DOK6: variants seen among roughly 807,000 people sequenced by gnomAD.
DOK6 encodes the protein docking protein 6.
DOK6 carries 22 observed loss-of-function variants against 44.0 expected under a neutral mutation model. The observed-to-expected ratio is 0.50, with a 90% CI of 0.36 to 0.71. DOK6 has a LOEUF of 0.71. Ranked by LOEUF, DOK6 falls within the 30% of genes least tolerant of loss-of-function variation. DOK6 has a pLI of 0.00. For synonymous variants in DOK6, 166 were observed against 145.5 expected (o/e 1.14, Z -1.01); for missense variants, 340 against 416.4 (o/e 0.82, Z 1.60).
chr18:69,711,188 G>C (rs1986748311), intron 5 of DOK6, among the ~76,000 whole-genome samples: 1 of 152,186 alleles, frequency 6.6e-6, no homozygotes, highest in Non-Finnish European at 1.5e-5. Flanking sequence ...AATGCACAGA[G>C]ATCCTGAGTC....
At chr18:69,825,308 C>T (rs567771953) in intron 7 of DOK6, among the ~76,000 whole-genome samples, 1 of 151,954 alleles carries the variant, frequency 6.6e-6, no homozygotes, top group South Asian at 2.1e-4. Flanking sequence ...TTAAAATACT[C>T]TTATCTTCTA....
At chr18:69,747,603 C>CCCCCCTT (rs1386380730) in intron 6 of DOK6, among the ~76,000 whole-genome samples, 1 of 142,826 alleles carries the variant, frequency 7.0e-6, no homozygotes, top group South Asian at 2.4e-4. Flanking sequence ...GCCCCCTCCC[C>CCCCCCTT]CCCACAGAAG....
intron 7 of DOK6, among the ~76,000 whole-genome samples, chr18:69,818,386 T>G (rs1287259416): frequency 6.6e-6 from 1 of 152,070 alleles, no homozygotes; most frequent in Non-Finnish European, 1.5e-5. Context: ...GGAAGATAAA[T>G]ATTAAGAGGC....
chr18:69,401,595 C>T (rs1397165925), intron 1 of DOK6, among the ~76,000 whole-genome samples: 1 of 152,130 alleles, frequency 6.6e-6, no homozygotes, highest in Non-Finnish European at 1.5e-5. Context: ...GTTGTCAGTT[C>T]CAACGAGGAA....
intron 3 of DOK6, among the ~76,000 whole-genome samples, chr18:69,616,154 T>A (rs1984278741): frequency 6.6e-6 from 1 of 152,166 alleles, no homozygotes; most frequent in South Asian, 2.1e-4. Context: ...ATCCAGTACA[T>A]ATCCTGAGAG....
At position 69,674,485 on chromosome 18, in the gene DOK6, C is replaced by T. The variant is rs552640201; in HGVS notation, c.290-3249C>T. Among the ~76,000 whole-genome samples the T allele has an allele frequency of 3.0e-4, 45 of 152,204 alleles. 1 individual carries two copies. Among genetic ancestry groups the T allele is most frequent in the African/African-American group, 1.1e-3 (44 of 41,520 alleles). On this transcript the variant is annotated intron_variant, in intron 3 of 7. Coordinates refer to ENST00000382713, the MANE Select transcript of DOK6 (RefSeq NM_152721.6). ...CCCTGCAAATGTCTTTCCCTCTCCA[C>T]CCCAGGCATCTCCCTCACTCCTCCC...
intron 1 of DOK6, among the ~76,000 whole-genome samples, chr18:69,515,072 G>A (rs574455722): frequency 1.1e-4 from 17 of 152,186 alleles, no homozygotes; most frequent in Middle Eastern, 3.4e-3. Context: ...ACAGCTTTCC[G>A]TTTGTTTTAA....
intron 5 of DOK6, among the ~76,000 whole-genome samples, chr18:69,709,703 A>C (rs1423048832): frequency 6.6e-6 from 1 of 152,238 alleles, no homozygotes; most frequent in African/African-American, 2.4e-5. Flanking sequence ...TGGGTTATTT[A>C]GCATTAGCAA....
intron 2 of DOK6, among the ~76,000 whole-genome samples, chr18:69,595,742 G>A (rs2144619725): frequency 6.6e-6 from 1 of 152,238 alleles, no homozygotes; most frequent in East Asian, 1.9e-4. Context: ...ATGAGTTTAT[G>A]TGAATTTATG....
intron 3 of DOK6, among the ~76,000 whole-genome samples, chr18:69,609,902 A>G (rs746600640): frequency 6.6e-6 from 1 of 152,212 alleles, no homozygotes; most frequent in Admixed American, 6.5e-5. Context: ...AGAGCATTAT[A>G]TTAAGTGAAA....
rs536861679 is a variant in DOK6, at chr18:69,679,457, A to G, written c.409+1604A>G. On this transcript the variant is annotated intron_variant, in intron 4 of 7. Transcript: ENST00000382713. ...TAGAAAGTCACAAAAGTATTTCTGT[A>G]GCTCTTTATCTAGCTTCTGGTTTAT... Among the ~76,000 whole-genome samples, 39 of 152,304 alleles carry G rather than the reference A, an allele frequency of 2.6e-4. 1 individual carries two copies. The highest frequency in any genetic ancestry group is 1.7e-3 in the Admixed American group (26 of 15,296).
intron 1 of DOK6, among the ~76,000 whole-genome samples, chr18:69,516,904 ACT>A (rs1297173006): frequency 6.7e-6 from 1 of 150,254 alleles, no homozygotes; most frequent in East Asian, 2.0e-4. Context: ...CTAGTCTTAA[ACT>A]CCTAGTCTTA....
At chr18:69,706,787 G>C (rs1304005572) in intron 5 of DOK6, among the ~76,000 whole-genome samples, 1 of 148,706 alleles carries the variant, frequency 6.7e-6, no homozygotes, top group Non-Finnish European at 1.5e-5. Context: ...TGCGGTGTTT[G>C]GTTTTTTTGT....
At chr18:69,666,964 C>T (rs1336676198) in intron 3 of DOK6, among the ~76,000 whole-genome samples, 1 of 152,026 alleles carries the variant, frequency 6.6e-6, no homozygotes, top group Non-Finnish European at 1.5e-5. Flanking sequence ...TCAGTAGGAG[C>T]CACCAGGGAC....
At chr18:69,463,384 G>C (rs1979839814) in intron 1 of DOK6, among the ~76,000 whole-genome samples, 1 of 132,096 alleles carries the variant, frequency 7.6e-6, no homozygotes, top group African/African-American at 2.9e-5. Flanking sequence ...AGGAGCCCTT[G>C]GGAGTGCTCT....
chr18:69,654,372 A>C lies in DOK6; in HGVS notation c.290-23362A>C, dbSNP rs1985309194. Among the ~76,000 whole-genome samples, 7 of 152,210 alleles carry C rather than the reference A, an allele frequency of 4.6e-5. No homozygotes were observed. The South Asian group carries it at 1.4e-3, about 32-fold the overall frequency. ...TTGCTGTGTACTTGAACAGGGACAC[A>C]CACATGCAGACACAGACACACACAC... On this transcript the variant is annotated intron_variant, in intron 3 of 7. Coordinates refer to ENST00000382713, the MANE Select transcript of DOK6 (RefSeq NM_152721.6).
At chr18:69,588,648 C>T (rs1983558656) in intron 2 of DOK6, among the ~76,000 whole-genome samples, 1 of 151,984 alleles carries the variant, frequency 6.6e-6, no homozygotes, top group Admixed American at 6.6e-5. Flanking sequence ...TGAGAGATTC[C>T]CACCAGGACA....
chr18:69,846,784 T>C lies in DOK6; in HGVS notation c.*5401T>C, dbSNP rs374672848. On this transcript the variant is annotated 3_prime_UTR_variant, in exon 8 of 8. Transcript: ENST00000382713. ...ATTATTTATGGCATTTTTAACAACT[T>C]TGTTGCATAATTGATAACATCAGGG... 36 of 152,292 alleles carry C rather than the reference T, an allele frequency of 2.4e-4. No individual in the cohort carries two copies. In the East Asian group the frequency reaches 5.0e-3, roughly 21 times the overall value. The allele number at this position is 152,292 out of a possible 1,614,324, so 9.4% of individuals were successfully genotyped here.
intron 3 of DOK6, chr18:69,661,831 A>G (rs982510691): frequency 2.0e-5 from 3 of 152,202 alleles, no homozygotes; most frequent in African/African-American, 7.2e-5. Context: ...ACTGTCACCA[A>G]TCACCCCTAA....
Sources: gnomAD v4.1 joint callset for allele counts (sites outside exome capture counted in the v4.1 genomes callset) on GRCh38, gnomAD v4.1.1 for gene constraint, MANE v1.5 for transcripts, NCBI Gene and HGNC (gene_info 2026-07-23, HGNC 2026-07-21) for gene names.